Variants in ZNF233 observed in about 807,000 individuals in gnomAD.
ZNF233 encodes the protein zinc finger protein 233.
A neutral mutation model predicts 11.6 loss-of-function variants in ZNF233; 7 were observed. The ratio of observed to expected loss-of-function variants is 0.60; its 90% CI spans 0.34 to 1.13. ZNF233 has a LOEUF of 1.13. Among genes scored for constraint, ZNF233 ranks in the 50% most tolerant of loss-of-function variants. ZNF233 has a pLI of 0.03. For synonymous variants in ZNF233, 226 were observed against 268.5 expected (o/e 0.84, Z 1.55); for missense variants, 711 against 785.5 (o/e 0.91, Z 1.13).
intron 4 of ZNF233, among the ~76,000 whole-genome samples, chr19:44,271,227 G>A (rs755524908): frequency 2.0e-4 from 31 of 152,126 alleles, no homozygotes; most frequent in Non-Finnish European, 4.4e-4. Flanking sequence ...ACTAAATTAA[G>A]GAAATAATGG....
chr19:44,266,834 C>A, intron 3 of ZNF233, 32 bp from the exon 4 acceptor site: 1 of 1,542,234 alleles, frequency 6.5e-7, no homozygotes, highest in Non-Finnish European at 8.9e-7. Flanking sequence ...ATAATGCATT[C>A]ACTTTATATA....
intron 2 of ZNF233, among the ~76,000 whole-genome samples, chr19:44,264,740 A>G (rs935133093): frequency 2.6e-5 from 4 of 151,868 alleles, no homozygotes; most frequent in Admixed American, 6.6e-5. Flanking sequence ...AAGAACTACA[A>G]TCACATTCTA....
At chr19:44,264,258 C>A in intron 1 of ZNF233, 56 bp from the exon 2 acceptor site, 1 of 1,204,032 alleles carries the variant, frequency 8.3e-7, no homozygotes, top group Non-Finnish European at 1.2e-6. Flanking sequence ...AAAATTCAGC[C>A]AGCACAGCCA....
intron 4 of ZNF233, chr19:44,267,707 C>G (rs184271410): frequency 6.4e-5 from 19 of 297,942 alleles, no homozygotes; most frequent in African/African-American, 3.0e-4. Context: ...CTACCTGAAG[C>G]CTTTTGCTCT....
At chr19:44,261,056 A>G (rs768484251) in intron 1 of ZNF233, among the ~76,000 whole-genome samples, 5 of 152,202 alleles carry the variant, frequency 3.3e-5, no homozygotes, top group Admixed American at 6.5e-5. Flanking sequence ...GTAAAACAAC[A>G]GGAAAGAGCC....
intron 4 of ZNF233, among the ~76,000 whole-genome samples, chr19:44,271,798 C>T (rs1192497450): frequency 6.6e-6 from 1 of 152,022 alleles, no homozygotes; most frequent in Non-Finnish European, 1.5e-5. Flanking sequence ...GTGAGAGCCA[C>T]CGCACCCAGC....
chr19:44,261,598 G>A (rs1974938005), intron 1 of ZNF233, among the ~76,000 whole-genome samples: 1 of 151,300 alleles, frequency 6.6e-6, no homozygotes, highest in South Asian at 2.1e-4. Flanking sequence ...AAATAGATAG[G>A]GTTTACATTA....
chr19:44,261,251 G>C (rs905740707), intron 1 of ZNF233, among the ~76,000 whole-genome samples: 2 of 152,092 alleles, frequency 1.3e-5, no homozygotes, highest in Admixed American at 6.5e-5. Flanking sequence ...AGCAGCCTGG[G>C]CAACATAGTG....
At chr19:44,262,428 G>A (rs1233441) in intron 1 of ZNF233, among the ~76,000 whole-genome samples, 109,363 of 152,034 alleles carry the variant, frequency 0.72, 39,622 homozygotes, top group African/African-American at 0.79. Context: ...CCTGGTACAT[G>A]TAGTGAGCAG....
At chr19:44,261,997 G>A (rs1376670460) in intron 1 of ZNF233, among the ~76,000 whole-genome samples, 1 of 152,102 alleles carries the variant, frequency 6.6e-6, no homozygotes. Context: ...CTTGAGCAAA[G>A]CAAATGAAAT....
intron 4 of ZNF233, among the ~76,000 whole-genome samples, chr19:44,271,753 A>T (rs1000734311): frequency 1.3e-5 from 2 of 151,658 alleles, no homozygotes; most frequent in African/African-American, 2.4e-5. Context: ...CTCGTGATCC[A>T]CCTGCCTCGG....
At chr19:44,265,362 T>TACACACAC (rs1329050334) in intron 2 of ZNF233, among the ~76,000 whole-genome samples, 3 of 87,648 alleles carry the variant, frequency 3.4e-5, no homozygotes, top group South Asian at 5.6e-4. Context: ...CCATCATATA[T>TACACACAC]ATATACACAC....
chr19:44,273,465 G>A lies in ZNF233; in HGVS notation c.805G>A (p.Val269Ile). 3 of 1,614,236 alleles carry A rather than the reference G, an allele frequency of 1.9e-6. No homozygotes were observed. The highest frequency in any genetic ancestry group is 1.3e-5 in the African/African-American group (1 of 75,066). The part of the protein sequence containing the change: ...TSDENGKGLS[V>I]GSNLELHQQL... The stretch of plus-strand genomic sequence containing the variant: ...TGATGAAAATGGAAAAGGCTTAAGT[G>A]TTGGCTCTAATCTTGAACTTCACCA... The change falls in exon 5 of 5, where the codon GTT (valine) becomes ATT (isoleucine). Residue 269 changes from valine (V) to isoleucine (I), a missense_variant. Physicochemically the swap from Val to Ile is conservative, Grantham distance 29. Transcript: ENST00000683810.
intron 4 of ZNF233, among the ~76,000 whole-genome samples, chr19:44,271,579 C>T (rs889547200): frequency 4.0e-5 from 6 of 151,782 alleles, no homozygotes; most frequent in South Asian, 4.2e-4. Context: ...GCACGATCTC[C>T]GCTCACTGCA....
rs8110390 is a variant in ZNF233, at chr19:44,266,059, G to A, written c.16-139G>A. On this transcript the variant is annotated intron_variant, in intron 2 of 4. Transcript: ENST00000683810. Reference sequence around the variant, plus strand: ...GATTGGCATGTGGGATGGAGAAAACGAGGAAGCTACTTAAAGTTCATTCGA... The same window carrying A: ...GATTGGCATGTGGGATGGAGAAAACAAGGAAGCTACTTAAAGTTCATTCGA... 1,483 of 870,790 alleles carry A rather than the reference G, an allele frequency of 1.7e-3. 19 individuals carry two copies. The African/African-American group carries it at 0.024, about 14-fold the overall frequency. The allele number at this position is 870,790 out of a possible 1,614,324, so 53.9% of individuals were successfully genotyped here.
At chr19:44,269,965 G>A (rs940981915) in intron 4 of ZNF233, among the ~76,000 whole-genome samples, 3 of 152,060 alleles carry the variant, frequency 2.0e-5, no homozygotes, top group African/African-American at 2.4e-5. Flanking sequence ...ATTTTCACTG[G>A]ACAGAAGTAC....
At chr19:44,266,825 T>C (rs987507954) in intron 3 of ZNF233, 41 bp from the exon 4 acceptor site, 2 of 1,496,430 alleles carry the variant, frequency 1.3e-6, no homozygotes, top group East Asian at 2.3e-5. Flanking sequence ...TTTTTGACTA[T>C]AATGCATTCA....
chr19:44,267,454 C>A, intron 4 of ZNF233: 1 of 397,806 alleles, frequency 2.5e-6, no homozygotes, highest in South Asian at 1.3e-4. Flanking sequence ...CAGGCTCAAT[C>A]GATCTTCTCA....
intron 4 of ZNF233, chr19:44,267,860 A>G (rs1251180562): frequency 6.6e-6 from 1 of 151,668 alleles, no homozygotes; most frequent in Non-Finnish European, 1.5e-5. Flanking sequence ...GCCAGGCTGG[A>G]GTGCTATGGC....
Sources: gnomAD v4.1 joint callset for allele counts (sites outside exome capture counted in the v4.1 genomes callset) on GRCh38, gnomAD v4.1.1 for gene constraint, MANE v1.5 for transcripts, NCBI Gene and HGNC (gene_info 2026-07-23, HGNC 2026-07-21) for gene names.